ENTREP2: variants seen among roughly 807,000 people sequenced by gnomAD.
ENTREP2 encodes endosomal transmembrane epsin interactor 2, also known as protein ENTREP2.
the ENTREP2 span, among the ~76,000 whole-genome samples, chr15:29,476,496 G>A: frequency 6.6e-6 from 1 of 152,144 alleles, no homozygotes; most frequent in Non-Finnish European, 1.5e-5. Flanking sequence ...GGTCAGCATG[G>A]GGCCCACAAA....
the ENTREP2 span, among the ~76,000 whole-genome samples, chr15:29,559,100 C>A: frequency 6.6e-6 from 1 of 152,034 alleles, no homozygotes; most frequent in Non-Finnish European, 1.5e-5. Flanking sequence ...AGACGTAGTA[C>A]CCATTCCCCA....
the ENTREP2 span, among the ~76,000 whole-genome samples, chr15:29,261,626 T>C: frequency 6.6e-6 from 1 of 152,324 alleles, no homozygotes; most frequent in East Asian, 1.9e-4. Context: ...TTAAAATATT[T>C]TAAAAACTGA....
At chr15:29,249,083 C>T in the ENTREP2 span, among the ~76,000 whole-genome samples, 1 of 151,980 alleles carries the variant, frequency 6.6e-6, no homozygotes. Context: ...CCAAGGCAGG[C>T]GGATCACCTG....
At chr15:29,450,174 A>G in the ENTREP2 span, among the ~76,000 whole-genome samples, 1 of 152,078 alleles carries the variant, frequency 6.6e-6, no homozygotes, top group Non-Finnish European at 1.5e-5. Context: ...ATAGTTTGCA[A>G]ATATTTTCTC....
chr15:29,268,849 A>C, the ENTREP2 span: 1 of 1,614,056 alleles, frequency 6.2e-7, no homozygotes, highest in Admixed American at 1.7e-5. Context: ...CTCATCTGCC[A>C]AAGCCTCACA....
chr15:29,596,426 A>G, the ENTREP2 span, among the ~76,000 whole-genome samples: 2 of 147,266 alleles, frequency 1.4e-5, no homozygotes, highest in Non-Finnish European at 3.0e-5. Flanking sequence ...TAATCCCAGT[A>G]TACGTGTACG....
the ENTREP2 span, among the ~76,000 whole-genome samples, chr15:29,582,660 A>T: frequency 2.0e-5 from 3 of 150,870 alleles, no homozygotes; most frequent in Admixed American, 6.6e-5. Context: ...TTATTTTATT[A>T]TTTTTTTTTG....
the ENTREP2 span, among the ~76,000 whole-genome samples, chr15:29,281,802 G>C: frequency 4.6e-5 from 7 of 152,156 alleles, no homozygotes; most frequent in African/African-American, 1.7e-4. Flanking sequence ...CCAACAAGAG[G>C]AACAGACTTC....
chr15:29,178,469 C>G, the ENTREP2 span, among the ~76,000 whole-genome samples: 1 of 151,774 alleles, frequency 6.6e-6, no homozygotes, highest in Non-Finnish European at 1.5e-5. Context: ...TGTTTTTTGT[C>G]TGGACTAATT....
the ENTREP2 span, among the ~76,000 whole-genome samples, chr15:29,574,694 C>A: frequency 1.3e-5 from 2 of 152,198 alleles, no homozygotes; most frequent in African/African-American, 4.8e-5. Context: ...GGAACACTTA[C>A]AAATGCCTCA....
the ENTREP2 span, among the ~76,000 whole-genome samples, chr15:29,173,331 G>A: frequency 6.6e-6 from 1 of 152,184 alleles, no homozygotes; most frequent in African/African-American, 2.4e-5. Context: ...ATAGAAGACG[G>A]CACTGAAGCC....
At chr15:29,540,182 T>C in the ENTREP2 span, among the ~76,000 whole-genome samples, 3 of 152,262 alleles carry the variant, frequency 2.0e-5, no homozygotes, top group African/African-American at 7.2e-5. Flanking sequence ...GGCCAATGTA[T>C]TGAATGTATA....
chr15:29,360,189 TATA>T, the ENTREP2 span, among the ~76,000 whole-genome samples: 2 of 152,248 alleles, frequency 1.3e-5, no homozygotes, highest in African/African-American at 4.8e-5. Context: ...ACTTCACAGT[TATA>T]ATAATTTTTT....
chr15:29,474,272 G>A, the ENTREP2 span, among the ~76,000 whole-genome samples: 2 of 152,122 alleles, frequency 1.3e-5, no homozygotes, highest in Non-Finnish European at 2.9e-5. Flanking sequence ...AGCCATCCAG[G>A]CTGGGGCGGG....
chr15:29,383,226 C>T, the ENTREP2 span, among the ~76,000 whole-genome samples: 4 of 152,158 alleles, frequency 2.6e-5, no homozygotes, highest in Non-Finnish European at 4.4e-5. Context: ...GGCATCACAC[C>T]GTCCACAGGC....
chr15:29,350,889 C>T, the ENTREP2 span, among the ~76,000 whole-genome samples: 1 of 152,142 alleles, frequency 6.6e-6, no homozygotes, highest in Non-Finnish European at 1.5e-5. Context: ...CTGCAGTGAG[C>T]CAAGATCACG....
At chr15:29,674,429 C>T in the ENTREP2 span, among the ~76,000 whole-genome samples, 1 of 152,040 alleles carries the variant, frequency 6.6e-6, no homozygotes, top group Non-Finnish European at 1.5e-5. Flanking sequence ...GCCACCATGC[C>T]CAGCTAATTT....
chr15:29,268,445 G>A, the ENTREP2 span: 2 of 258,042 alleles, frequency 7.8e-6, no homozygotes, highest in African/African-American at 4.4e-5. Flanking sequence ...CCTGATAATA[G>A]CTTTTTTATT....
the ENTREP2 span, among the ~76,000 whole-genome samples, chr15:29,398,215 A>G: frequency 6.6e-6 from 1 of 150,932 alleles, no homozygotes; most frequent in South Asian, 2.1e-4. Flanking sequence ...AGGACAGTGC[A>G]TTAAAATGAT....
Sources: allele counts gnomAD v4.1 joint callset (sites outside exome capture counted in the v4.1 genomes callset), GRCh38; gene constraint gnomAD v4.1.1; transcripts MANE v1.5; gene names NCBI Gene and HGNC (gene_info 2026-07-23, HGNC 2026-07-21).